Variants in PRIM2 observed in about 807,000 individuals in gnomAD.
PRIM2 encodes the protein DNA primase subunit 2.
A neutral mutation model predicts 67.3 loss-of-function variants in PRIM2; 39 were observed. The observed-to-expected ratio is 0.58, with a 90% CI of 0.45 to 0.76. The LOEUF (loss-of-function observed/expected upper bound fraction) is 0.76, where lower values mean the gene tolerates loss of function less well. PRIM2 is among the 30% of genes least tolerant of loss of function. The pLI is 0.00. For missense variants in PRIM2, 398 were observed against 598.7 expected (o/e 0.66, Z 3.50); for synonymous variants, 143 against 198.7 (o/e 0.72, Z 2.36).
At chr6:57,640,426 AG>A (rs1326930756) in intron 13 of PRIM2, among the ~76,000 whole-genome samples, 1 of 152,210 alleles carries the variant, frequency 6.6e-6, no homozygotes, top group African/African-American at 2.4e-5. Context: ...GTATTCAAAT[AG>A]GAAGAGAGGG....
At chr6:57,644,708 A>G (rs1415204796) in intron 13 of PRIM2, among the ~76,000 whole-genome samples, 1 of 152,236 alleles carries the variant, frequency 6.6e-6, no homozygotes, top group African/African-American at 2.4e-5. Flanking sequence ...TAGTTAATAC[A>G]AGACAGATGA....
intron 5 of PRIM2, among the ~76,000 whole-genome samples, chr6:57,369,464 G>T (rs955685683): frequency 1.3e-5 from 2 of 152,154 alleles, no homozygotes. Context: ...GAAACATTCA[G>T]GTACTGACTG....
intron 7 of PRIM2, among the ~76,000 whole-genome samples, chr6:57,385,603 T>C (rs6459210): frequency 2.0e-5 from 3 of 152,192 alleles, no homozygotes; most frequent in East Asian, 1.9e-4. Context: ...TCAATCACAT[T>C]CCACAGGCAA....
chr6:57,587,460 C>G (rs1276757278), intron 10 of PRIM2, among the ~76,000 whole-genome samples: 2 of 151,796 alleles, frequency 1.3e-5, no homozygotes, highest in Non-Finnish European at 2.9e-5. Context: ...GTCAGGAGAT[C>G]GAGACCATCT....
At chr6:57,269,510 A>G in the PRIM2 span, among the ~76,000 whole-genome samples, 1 of 151,956 alleles carries the variant, frequency 6.6e-6, no homozygotes, top group Non-Finnish European at 1.5e-5. Flanking sequence ...GTTTGAGTTC[A>G]TTGTAGATTC....
At chr6:57,400,203 TC>T (rs1770659193) in intron 7 of PRIM2, among the ~76,000 whole-genome samples, 1 of 152,284 alleles carries the variant, frequency 6.6e-6, no homozygotes, top group South Asian at 2.1e-4. Context: ...TTGTCACTGA[TC>T]CGTGTATTTA....
chr6:57,244,611 A>G, the PRIM2 span, among the ~76,000 whole-genome samples: 1 of 152,006 alleles, frequency 6.6e-6, no homozygotes, highest in Non-Finnish European at 1.5e-5. Flanking sequence ...AAAATACAAA[A>G]TTAGCTGGGC....
chr6:57,349,358 G>T (rs1422646556), intron 5 of PRIM2, among the ~76,000 whole-genome samples: 2 of 150,624 alleles, frequency 1.3e-5, no homozygotes, highest in Admixed American at 6.6e-5. Flanking sequence ...GGTTATTCCC[G>T]ATGTTTTTGC....
At chr6:57,510,539 T>G (rs1159191614) in intron 8 of PRIM2, among the ~76,000 whole-genome samples, 3 of 152,136 alleles carry the variant, frequency 2.0e-5, no homozygotes, top group Non-Finnish European at 4.4e-5. Flanking sequence ...AAACTGTACA[T>G]TCATTTAAGG....
chr6:57,444,521 C>T lies in PRIM2; in HGVS notation c.693+62353C>T, dbSNP rs1464303309. On this transcript the variant is annotated intron_variant, in intron 7 of 13. Transcript: ENST00000615550. The stretch of plus-strand genomic sequence containing the variant: ...GGCAGAGGTTGCAGTGAGCCGAGAT[C>T]GTACCACTGCATTCCAGCCTGGGTG... Among the ~76,000 whole-genome samples the T allele has an allele frequency of 1.0e-4, 15 of 149,866 alleles. No individual in the cohort carries two copies. The East Asian group carries it at 2.8e-3, about 28-fold the overall frequency.
chr6:57,405,899 A>G (rs1319578313), intron 7 of PRIM2, among the ~76,000 whole-genome samples: 7 of 152,362 alleles, frequency 4.6e-5, no homozygotes, highest in South Asian at 2.1e-4. Flanking sequence ...TGCCTTCATC[A>G]TCAGTACCAC....
At chr6:57,456,122 C>G (rs1192848949) in intron 7 of PRIM2, among the ~76,000 whole-genome samples, 2 of 152,174 alleles carry the variant, frequency 1.3e-5, no homozygotes, top group Non-Finnish European at 2.9e-5. Flanking sequence ...CCCCCACTCT[C>G]TTTTGGCTTG....
chr6:57,225,518 C>T, the PRIM2 span, among the ~76,000 whole-genome samples: 1 of 152,128 alleles, frequency 6.6e-6, no homozygotes, highest in Non-Finnish European at 1.5e-5. Context: ...AGAAATTTTA[C>T]CTGCAGTGAC....
chr6:57,410,361 A>G (rs1259446773), intron 7 of PRIM2, among the ~76,000 whole-genome samples: 1 of 151,124 alleles, frequency 6.6e-6, no homozygotes, highest in Non-Finnish European at 1.5e-5. Flanking sequence ...AAAGAAAGAA[A>G]GAAAAGAAAA....
rs372370691 is a variant in PRIM2 at position 57,335,871 on chromosome 6, C to T, written c.459+9826C>T. On this transcript the variant is annotated intron_variant, in intron 5 of 13. Coordinates refer to ENST00000615550, the MANE Select transcript of PRIM2 (RefSeq NM_000947.5). ...AAAGCTGGACGGAGAATGACTTTGA[C>T]GAGCTGAGAGAAGAAGGCTTCAGAT... is the stretch of plus-strand genomic sequence containing the variant. Among the ~76,000 whole-genome samples the T allele has an allele frequency of 7.2e-5, 11 of 152,162 alleles. 1 individual carries two copies. Among genetic ancestry groups the T allele is most frequent in the African/African-American group, 1.9e-4 (8 of 41,426 alleles).
At chr6:57,563,847 G>A (rs1373544688) in intron 10 of PRIM2, among the ~76,000 whole-genome samples, 1,784 of 152,260 alleles carry the variant, frequency 0.012, 18 homozygotes, top group Non-Finnish European at 0.018. Flanking sequence ...TTTTAGTAGA[G>A]ACAGGGTTTT....
intron 10 of PRIM2, among the ~76,000 whole-genome samples, chr6:57,596,473 G>A (rs1776369494): frequency 6.6e-6 from 1 of 150,664 alleles, no homozygotes; most frequent in African/African-American, 2.4e-5. Context: ...GTGGAGGGAG[G>A]GGAATGTTGA....
chr6:57,492,158 T>A (rs1554346020), intron 7 of PRIM2, among the ~76,000 whole-genome samples: 53 of 152,300 alleles, frequency 3.5e-4, no homozygotes, highest in Non-Finnish European at 3.4e-4. Context: ...CCTTTCAACA[T>A]GTCCTCATGC....
intron 10 of PRIM2, among the ~76,000 whole-genome samples, chr6:57,538,308 G>C (rs1235517025): frequency 6.6e-6 from 1 of 152,104 alleles, no homozygotes; most frequent in Non-Finnish European, 1.5e-5. Context: ...ACAGCTGTGA[G>C]CCTGAGTCAT....
Sources: allele counts gnomAD v4.1 joint callset (sites outside exome capture counted in the v4.1 genomes callset), GRCh38; gene constraint gnomAD v4.1.1; transcripts MANE v1.5; gene names NCBI Gene and HGNC (gene_info 2026-07-23, HGNC 2026-07-21).